AGBL4: variants seen among roughly 807,000 people sequenced by gnomAD.
AGBL4 encodes the protein cytosolic carboxypeptidase 6.
AGBL4 carries 58 observed loss-of-function variants against 66.4 expected under a neutral mutation model. The ratio of observed to expected loss-of-function variants is 0.87; its 90% CI spans 0.71 to 1.09. The LOEUF (loss-of-function observed/expected upper bound fraction) is 1.09, where lower values mean the gene tolerates loss of function less well. AGBL4 is among the 50% of genes least tolerant of loss of function. AGBL4 has a pLI of 0.00. For synonymous variants in AGBL4, 234 were observed against 222.9 expected (o/e 1.05, Z -0.44); for missense variants, 579 against 631.0 (o/e 0.92, Z 0.88).
chr1:49,257,131 C>T (rs1341074116), intron 3 of AGBL4, among the ~76,000 whole-genome samples: 5 of 150,494 alleles, frequency 3.3e-5, no homozygotes, highest in Non-Finnish European at 3.0e-5. Context: ...CTATGCAAAA[C>T]GATACCACAG....
At chr1:49,615,182 A>T (rs1645227799) in intron 3 of AGBL4, among the ~76,000 whole-genome samples, 1 of 152,110 alleles carries the variant, frequency 6.6e-6, no homozygotes. Flanking sequence ...ATAAACCTAC[A>T]TAGAAGTTTG....
At chr1:48,938,200 A>C (rs1655638002) in intron 5 of AGBL4, among the ~76,000 whole-genome samples, 1 of 152,198 alleles carries the variant, frequency 6.6e-6, no homozygotes, top group Admixed American at 6.5e-5. Flanking sequence ...CAAACAAAGC[A>C]CTGGCGTCTT....
intron 3 of AGBL4, among the ~76,000 whole-genome samples, chr1:49,670,761 AAAG>A (rs1306849271): frequency 2.6e-5 from 4 of 152,292 alleles, no homozygotes; most frequent in Admixed American, 2.6e-4. Context: ...TGCAGACACA[AAAG>A]AAGTGACTTA....
At chr1:49,771,701 A>G (rs77635002) in intron 2 of AGBL4, among the ~76,000 whole-genome samples, 8,798 of 152,160 alleles carry the variant, frequency 0.058, 345 homozygotes, top group Middle Eastern at 0.085. Flanking sequence ...TATATTTACA[A>G]TTGTTACACA....
chr1:49,312,134 C>A (rs991768311), intron 3 of AGBL4, among the ~76,000 whole-genome samples: 1 of 152,078 alleles, frequency 6.6e-6, no homozygotes, highest in African/African-American at 2.4e-5. Context: ...GAAACTTAAT[C>A]CCCAATACCA....
intron 3 of AGBL4, among the ~76,000 whole-genome samples, chr1:49,254,766 A>G (rs1652342045): frequency 6.6e-6 from 1 of 152,192 alleles, no homozygotes; most frequent in Non-Finnish European, 1.5e-5. Context: ...TTCAAACTAT[A>G]CTACATGGCT....
intron 6 of AGBL4, among the ~76,000 whole-genome samples, chr1:48,779,293 G>A (rs1645230532): frequency 6.6e-6 from 1 of 152,150 alleles, no homozygotes; most frequent in African/African-American, 2.4e-5. Flanking sequence ...CCCAGACACA[G>A]TACACTCCAG....
At chr1:48,615,892 C>G (rs1645310356) in intron 9 of AGBL4, among the ~76,000 whole-genome samples, 1 of 152,124 alleles carries the variant, frequency 6.6e-6, no homozygotes, top group Non-Finnish European at 1.5e-5. Context: ...CTGGTGAGGA[C>G]CTGGCATTTG....
chr1:49,064,623 C>A (rs925878129), intron 4 of AGBL4, among the ~76,000 whole-genome samples: 1 of 152,090 alleles, frequency 6.6e-6, no homozygotes, highest in African/African-American at 2.4e-5. Context: ...GATTTATATT[C>A]TTACAAATTA....
At chr1:48,872,725 C>G (rs1415856038) in intron 5 of AGBL4, among the ~76,000 whole-genome samples, 1 of 152,152 alleles carries the variant, frequency 6.6e-6, no homozygotes, top group Non-Finnish European at 1.5e-5. Flanking sequence ...GATTCAAAAT[C>G]AGACAGACAA....
chr1:48,626,789 C>T (rs2148404531), intron 9 of AGBL4, among the ~76,000 whole-genome samples: 1 of 152,304 alleles, frequency 6.6e-6, no homozygotes, highest in South Asian at 2.1e-4. Flanking sequence ...AGTCAGGAAA[C>T]ATGGGGATGG....
In AGBL4 at chr1:49,948,126, AT is replaced by A. The variant is rs1557608525; in HGVS notation, c.34+75636del. Among the ~76,000 whole-genome samples the A allele has an allele frequency of 5.8e-5, 6 of 103,942 alleles. No individual in the cohort carries two copies. The East Asian group carries it at 1.6e-3, about 27-fold the overall frequency. The allele number at this position is 103,942 out of a possible 152,430, so 68.2% of individuals were successfully genotyped here. A position where few individuals can be genotyped will look rare whatever the true frequency, so the allele number is the denominator to read the frequency against. On this transcript the variant is annotated intron_variant, in intron 1 of 13. Coordinates refer to ENST00000371839, the MANE Select transcript of AGBL4 (RefSeq NM_032785.4). The stretch of plus-strand genomic sequence containing the variant: ...TATATATGTAAATGTATGTAAATAT[AT>A]ATAAATATATGTAAATATATATAAA...
At chr1:49,903,485 G>A (rs1261283631) in intron 1 of AGBL4, among the ~76,000 whole-genome samples, 2 of 152,068 alleles carry the variant, frequency 1.3e-5, no homozygotes, top group South Asian at 2.1e-4. Context: ...AAGTCTGCAC[G>A]TGTACTCCTG....
chr1:49,919,617 T>C, intron 1 of AGBL4, among the ~76,000 whole-genome samples: 1 of 152,094 alleles, frequency 6.6e-6, no homozygotes, highest in East Asian at 1.9e-4. Context: ...GAACATTCCA[T>C]GCTCATGGGT....
chr1:49,288,787 G>A (rs1213908486), intron 3 of AGBL4, among the ~76,000 whole-genome samples: 1 of 152,188 alleles, frequency 6.6e-6, no homozygotes, highest in African/African-American at 2.4e-5. Context: ...TGCCCTTGGA[G>A]TAAGGGCAAG....
chr1:49,060,329 G>A (rs1644380571), intron 4 of AGBL4, among the ~76,000 whole-genome samples: 1 of 152,098 alleles, frequency 6.6e-6, no homozygotes, highest in Non-Finnish European at 1.5e-5. Flanking sequence ...ATCCTCTTCT[G>A]CCATGATTGT....
At chr1:49,743,897 C>T (rs946295328) in intron 2 of AGBL4, among the ~76,000 whole-genome samples, 2 of 115,968 alleles carry the variant, frequency 1.7e-5, no homozygotes, top group East Asian at 2.6e-4. Flanking sequence ...CACACCAGGA[C>T]CTATTGTGGG....
At chr1:48,997,309 A>G in intron 5 of AGBL4, among the ~76,000 whole-genome samples, 1 of 152,206 alleles carries the variant, frequency 6.6e-6, no homozygotes, top group Non-Finnish European at 1.5e-5. Context: ...AGTTGGACTT[A>G]GAGAGGAATA....
intron 1 of AGBL4, among the ~76,000 whole-genome samples, chr1:50,013,130 C>A (rs1456269977): frequency 6.6e-6 from 1 of 152,132 alleles, no homozygotes; most frequent in Non-Finnish European, 1.5e-5. Context: ...AATGTAAAAT[C>A]TTCCAGAAAT....
Sources: gnomAD v4.1 joint callset for allele counts (sites outside exome capture counted in the v4.1 genomes callset) on GRCh38, gnomAD v4.1.1 for gene constraint, MANE v1.5 for transcripts, NCBI Gene and HGNC (gene_info 2026-07-23, HGNC 2026-07-21) for gene names.